RSPO3: variants seen among roughly 807,000 people sequenced by gnomAD.
The protein encoded by RSPO3 is R-spondin-3.
In RSPO3, 17 loss-of-function variants were observed where a neutral mutation model predicts 36.5. The observed-to-expected ratio is 0.47, with a 90% CI of 0.32 to 0.70. RSPO3 has a LOEUF of 0.70. Among genes scored for constraint, RSPO3 ranks in the 30% least tolerant of loss-of-function variants. The pLI is 0.04. For synonymous variants in RSPO3, 108 were observed against 107.0 expected (o/e 1.01, Z -0.06); for missense variants, 294 against 322.5 (o/e 0.91, Z 0.68).
At chr6:127,192,779 T>C in intron 4 of RSPO3, 4 of 673,048 alleles carry the variant, frequency 5.9e-6, no homozygotes, top group Non-Finnish European at 7.3e-6. Context: ...TGTGTGTGTA[T>C]ATATATATGT....
intron 4 of RSPO3, among the ~76,000 whole-genome samples, chr6:127,180,115 G>A (rs1490479375): frequency 1.3e-5 from 2 of 151,842 alleles, no homozygotes; most frequent in Non-Finnish European, 2.9e-5. Flanking sequence ...GTGTCCTCTG[G>A]AAATAGAGGA....
chr6:127,124,514 T>A (rs1476810805), intron 1 of RSPO3, among the ~76,000 whole-genome samples: 1 of 152,106 alleles, frequency 6.6e-6, no homozygotes, highest in Non-Finnish European at 1.5e-5. Flanking sequence ...CTGGCATTTT[T>A]TTTTTGAAAA....
intron 1 of RSPO3, among the ~76,000 whole-genome samples, chr6:127,134,354 T>C (rs763365890): frequency 2.6e-5 from 4 of 152,312 alleles, no homozygotes; most frequent in Non-Finnish European, 2.9e-5. Flanking sequence ...TTTTGGCACA[T>C]TGACTAATTT....
chr6:127,184,432 AC>A lies in RSPO3; in HGVS notation c.635-11388del, dbSNP rs368227988. On this transcript the variant is annotated intron_variant, in intron 4 of 4. Transcript: ENST00000356698. Reference sequence around the variant, plus strand: ...ATGATATACTGGGTTGCACATAGGGACCCAATCAAACAATAGAAGGAAACAC... The same window carrying A: ...ATGATATACTGGGTTGCACATAGGGACCAATCAAACAATAGAAGGAAACAC... Among the ~76,000 whole-genome samples the A allele has an allele frequency of 3.3e-3, 502 of 152,134 alleles. 1 individual carries two copies. Among genetic ancestry groups the A allele is most frequent in the African/African-American group, 0.01 (419 of 41,550 alleles).
At chr6:127,126,540 CA>C (rs1438789924) in intron 1 of RSPO3, among the ~76,000 whole-genome samples, 2 of 152,012 alleles carry the variant, frequency 1.3e-5, no homozygotes, top group African/African-American at 2.4e-5. Flanking sequence ...CCAAATCTTG[CA>C]GCTGAAAATT....
intron 4 of RSPO3, among the ~76,000 whole-genome samples, chr6:127,157,838 C>A (rs1452478860): frequency 6.6e-6 from 1 of 151,604 alleles, no homozygotes; most frequent in African/African-American, 2.4e-5. Context: ...TTTGTTATTT[C>A]TCTAATCCTC....
At chr6:127,123,463 C>G (rs1440291213) in intron 1 of RSPO3, among the ~76,000 whole-genome samples, 1 of 152,030 alleles carries the variant, frequency 6.6e-6, no homozygotes, top group South Asian at 2.1e-4. Context: ...AAGACAAATG[C>G]AAATTCATAT....
chr6:127,176,351 A>T (rs1775055576), intron 4 of RSPO3, among the ~76,000 whole-genome samples: 1 of 151,820 alleles, frequency 6.6e-6, no homozygotes, highest in Non-Finnish European at 1.5e-5. Context: ...GAGTTAAAGC[A>T]ATGACTAAGC....
Position 127,146,148 on chromosome 6 carries a change from G to A in RSPO3, c.98-2500G>A, listed in dbSNP as rs1462188187. On this transcript the variant is annotated intron_variant, in intron 1 of 4. Transcript: ENST00000356698. ...ATTTAAACCTTCCTGAAGAAATAAG[G>A]TTTGCCATCATTTGATATTCAAAAT... 3.9e-5 allele frequency among the ~76,000 whole-genome samples: 6 copies of A among 151,944 alleles called. No individual in the cohort carries two copies. The East Asian group carries it at 1.2e-3, about 29-fold the overall frequency.
chr6:127,172,825 G>A (rs1439453558), intron 4 of RSPO3, among the ~76,000 whole-genome samples: 1 of 151,706 alleles, frequency 6.6e-6, no homozygotes, highest in Admixed American at 6.6e-5. Context: ...AGTGTGAGTA[G>A]TAGATTTCAC....
rs1775575650 is a variant in RSPO3, at chr6:127,199,312, T to C, written c.*3305T>C. 2.0e-5 allele frequency among the ~76,000 whole-genome samples: 3 copies of C among 152,196 alleles called. No homozygotes were observed. The highest frequency in any genetic ancestry group is 7.2e-5 in the African/African-American group (3 of 41,460). On this transcript the variant is annotated 3_prime_UTR_variant, in exon 5 of 5. Transcript: ENST00000356698. ...TATTTTGTATATAAATGAATATCAA[T>C]TAAAAGTTATGACTAATTCCACAAG...
intron 4 of RSPO3, among the ~76,000 whole-genome samples, chr6:127,163,207 C>T (rs1004272752): frequency 7.2e-5 from 11 of 152,088 alleles, no homozygotes; most frequent in African/African-American, 2.4e-4. Context: ...AATATTTCTC[C>T]AGCAAAAAGA....
chr6:127,146,437 A>G lies in RSPO3; in HGVS notation c.98-2211A>G, dbSNP rs775654565. Among the ~76,000 whole-genome samples, 7 of 152,160 alleles carry G rather than the reference A, an allele frequency of 4.6e-5. 1 individual carries two copies. The highest frequency in any genetic ancestry group is 8.8e-5 in the Non-Finnish European group (6 of 68,004). On this transcript the variant is annotated intron_variant, in intron 1 of 4. Transcript: ENST00000356698. ...AATTTCAGTGGATACAGTTACAATC[A>G]TGAGACTTATTCAAAGCTCTCTCCT...
In RSPO3 at chr6:127,123,386, C is replaced by A. The variant is rs897286359; in HGVS notation, c.97+4097C>A. Among the ~76,000 whole-genome samples, 3 of 152,120 alleles carry A rather than the reference C, an allele frequency of 2.0e-5. No individual in the cohort carries two copies. The East Asian group carries it at 5.8e-4, about 29-fold the overall frequency. On this transcript the variant is annotated intron_variant, in intron 1 of 4. Coordinates refer to ENST00000356698, the MANE Select transcript of RSPO3 (RefSeq NM_032784.5). ...TGAGAGTAACAGTGTTTTAAAGATA[C>A]AGACACGAATAGAATTTGCTGAAGA... is the stretch of plus-strand genomic sequence containing the variant.
intron 4 of RSPO3, among the ~76,000 whole-genome samples, chr6:127,167,857 G>A (rs970082224): frequency 2.0e-5 from 3 of 151,780 alleles, no homozygotes; most frequent in African/African-American, 2.4e-5. Flanking sequence ...GAGAACATGC[G>A]GTGTTTGGTT....
At chr6:127,120,560 G>A (rs1299521302) in intron 1 of RSPO3, among the ~76,000 whole-genome samples, 1 of 152,232 alleles carries the variant, frequency 6.6e-6, no homozygotes, top group East Asian at 1.9e-4. Flanking sequence ...GGGGCAGCGC[G>A]GAGGACACAA....
At chr6:127,133,918 A>C (rs1395806654) in intron 1 of RSPO3, among the ~76,000 whole-genome samples, 1 of 152,188 alleles carries the variant, frequency 6.6e-6, no homozygotes, top group Non-Finnish European at 1.5e-5. Context: ...TAAGGAAAGA[A>C]AATATTAATT....
intron 4 of RSPO3, among the ~76,000 whole-genome samples, chr6:127,171,964 T>A (rs947433799): frequency 1.3e-5 from 2 of 151,372 alleles, no homozygotes; most frequent in African/African-American, 4.8e-5. Flanking sequence ...TTAAATTTTT[T>A]AAAAGTTAGT....
At chr6:127,169,174 G>C (rs1247780306) in intron 4 of RSPO3, among the ~76,000 whole-genome samples, 2 of 151,008 alleles carry the variant, frequency 1.3e-5, no homozygotes, top group Non-Finnish European at 3.0e-5. Flanking sequence ...ATGTAGAAGT[G>C]TTTCTTTTTC....
Sources: gnomAD v4.1 joint callset for allele counts (sites outside exome capture counted in the v4.1 genomes callset) on GRCh38, gnomAD v4.1.1 for gene constraint, MANE v1.5 for transcripts, NCBI Gene and HGNC (gene_info 2026-07-23, HGNC 2026-07-21) for gene names.